The following PRKAR2A variants were observed in gnomAD, a reference collection of about 807,000 sequenced individuals.
The protein encoded by PRKAR2A is cAMP-dependent protein kinase type II-alpha regulatory subunit.
A neutral mutation model predicts 51.9 loss-of-function variants in PRKAR2A; 29 were observed. That is an observed-to-expected ratio of 0.56 (90% confidence interval 0.42 to 0.76). The LOEUF (loss-of-function observed/expected upper bound fraction) is 0.76, where lower values mean the gene tolerates loss of function less well. Ranked by LOEUF, PRKAR2A falls within the 30% of genes least tolerant of loss-of-function variation. PRKAR2A has a pLI of 0.00. For synonymous variants in PRKAR2A, 178 were observed against 186.2 expected (o/e 0.96, Z 0.36); for missense variants, 445 against 512.1 (o/e 0.87, Z 1.26).
At chr3:48,779,825 AAAT>A (rs1313702672) in intron 5 of PRKAR2A, among the ~76,000 whole-genome samples, 6 of 124,276 alleles carry the variant, frequency 4.8e-5, no homozygotes, top group Admixed American at 3.4e-4. Flanking sequence ...ATAAATAAAT[AAAT>A]AAAATATATA....
intron 1 of PRKAR2A, among the ~76,000 whole-genome samples, chr3:48,823,859 G>A (rs942000965): frequency 6.6e-6 from 1 of 151,394 alleles, no homozygotes; most frequent in Admixed American, 6.6e-5. Context: ...TAGGACCGTA[G>A]CAAAAGGAAA....
intron 6 of PRKAR2A, among the ~76,000 whole-genome samples, chr3:48,770,672 T>C (rs2082016746): frequency 6.6e-6 from 1 of 152,134 alleles, no homozygotes; most frequent in Non-Finnish European, 1.5e-5. Context: ...AGGAAATGAC[T>C]GCCAAAGGCA....
At chr3:48,839,858 T>C (rs2107463064) in intron 1 of PRKAR2A, among the ~76,000 whole-genome samples, 1 of 152,324 alleles carries the variant, frequency 6.6e-6, no homozygotes, top group Non-Finnish European at 1.5e-5. Flanking sequence ...TTCTTCCTTT[T>C]TAAATTGTGG....
At chr3:48,808,048 CTTTT>C (rs1181440560) in intron 1 of PRKAR2A, among the ~76,000 whole-genome samples, 1 of 122,694 alleles carries the variant, frequency 8.2e-6, no homozygotes, top group African/African-American at 3.0e-5. Context: ...TTCTTTCTTT[CTTTT>C]TTTTTTTTTT....
intron 2 of PRKAR2A, 50 bp downstream of exon 2, chr3:48,807,599 C>T (rs752976898): frequency 1.5e-6 from 2 of 1,366,360 alleles, no homozygotes; most frequent in Non-Finnish European, 2.1e-6. Flanking sequence ...TCAATATATT[C>T]CTATCTTAAA....
At position 48,747,041 on chromosome 3, in the gene PRKAR2A, CTTTTTTTTTTTTT is replaced by C. The variant is rs11358464; in HGVS notation, c.*4531_*4543del. On this transcript the variant is annotated 3_prime_UTR_variant, in exon 11 of 11. Coordinates refer to ENST00000265563, the MANE Select transcript of PRKAR2A (RefSeq NM_004157.4). ...CATGAGGTTAGTGACAGTTCTTGTC[CTTTTTTTTTTTTT>C]TTTTTTTTTTTTTAAAGTATAAAGA... is the stretch of plus-strand genomic sequence containing the variant. 3.4e-5 allele frequency: 3 copies of C among 88,370 alleles called. No individual in the cohort carries two copies. Among genetic ancestry groups the C allele is most frequent in the Non-Finnish European group, 6.4e-5 (3 of 47,004 alleles). 5.5% of individuals were successfully genotyped at this position (88,370 alleles called of 1,614,324 possible). A position where few individuals can be genotyped will look rare whatever the true frequency, so the allele number is the denominator to read the frequency against.
At chr3:48,808,613 G>C (rs889953648) in intron 1 of PRKAR2A, among the ~76,000 whole-genome samples, 1 of 85,566 alleles carries the variant, frequency 1.2e-5, no homozygotes, top group African/African-American at 4.8e-5. Flanking sequence ...ACTCCTGACA[G>C]GTGATCCGCC....
At chr3:48,822,159 C>G (rs2082977525) in intron 1 of PRKAR2A, among the ~76,000 whole-genome samples, 1 of 135,254 alleles carries the variant, frequency 7.4e-6, no homozygotes, top group Admixed American at 8.5e-5. Flanking sequence ...TGCAGTGAGC[C>G]AAGATTGCAC....
chr3:48,751,768 C>A (rs1195043756), intron 10 of PRKAR2A, 50 bp from the exon 11 acceptor site: 2 of 1,575,898 alleles, frequency 1.3e-6, no homozygotes, highest in Non-Finnish European at 1.7e-6. Flanking sequence ...AGCCATTTCC[C>A]TCATGCAAAC....
chr3:48,827,539 C>T lies in PRKAR2A; in HGVS notation c.262+19796G>A, dbSNP rs554155959. On this transcript the variant is annotated intron_variant, in intron 1 of 10. Transcript: ENST00000265563. ...ACATTACAGAGTGTACTTACACAAA[C>T]CTAGATGGTACAGCCTACAACACAC... Among the ~76,000 whole-genome samples, 4 of 152,182 alleles carry T rather than the reference C, an allele frequency of 2.6e-5. No individual in the cohort carries two copies. The South Asian group carries it at 6.2e-4, about 24-fold the overall frequency.
intron 9 of PRKAR2A, among the ~76,000 whole-genome samples, chr3:48,755,518 G>C (rs2081746595): frequency 4.0e-5 from 6 of 151,804 alleles, no homozygotes; most frequent in Admixed American, 3.9e-4. Context: ...TTATCCTAGA[G>C]ACCTCTTCTA....
intron 2 of PRKAR2A, among the ~76,000 whole-genome samples, chr3:48,801,099 C>T (rs952416819): frequency 6.6e-6 from 1 of 152,204 alleles, no homozygotes; most frequent in African/African-American, 2.4e-5. Flanking sequence ...CATGTCTCAG[C>T]CTCTCAAGTA....
intron 4 of PRKAR2A, among the ~76,000 whole-genome samples, chr3:48,784,920 G>A (rs907932861): frequency 5.3e-5 from 8 of 152,092 alleles, no homozygotes; most frequent in South Asian, 2.1e-4. Flanking sequence ...ATGATGTTAG[G>A]TGAAGACTTA....
At chr3:48,753,857 A>AAACTGT (rs372723556) in intron 9 of PRKAR2A, among the ~76,000 whole-genome samples, 101 of 152,210 alleles carry the variant, frequency 6.6e-4, no homozygotes, top group Middle Eastern at 3.4e-3. Flanking sequence ...ACTAGTCCAA[A>AAACTGT]AACTGTAAGT....
chr3:48,807,720 T>C (rs1197211921), intron 1 of PRKAR2A, 36 bp from the exon 2 acceptor site: 21 of 1,580,232 alleles, frequency 1.3e-5, no homozygotes, highest in Non-Finnish European at 1.7e-5. Flanking sequence ...GTCATTATTA[T>C]GTCACCAGGC....
chr3:48,798,149 C>T (rs983121931), intron 2 of PRKAR2A, among the ~76,000 whole-genome samples: 3 of 152,114 alleles, frequency 2.0e-5, no homozygotes, highest in South Asian at 2.1e-4. Context: ...GATGGAGTTT[C>T]GCCATATTGG....
At chr3:48,753,930 C>T (rs1246515743) in intron 9 of PRKAR2A, among the ~76,000 whole-genome samples, 2 of 139,152 alleles carry the variant, frequency 1.4e-5, no homozygotes, top group African/African-American at 5.4e-5. Flanking sequence ...CAGAGTCTCA[C>T]TCTGTTGCCC....
chr3:48,782,899 G>T, intron 5 of PRKAR2A, 87 bp downstream of exon 5: 2 of 980,404 alleles, frequency 2.0e-6, no homozygotes, highest in Non-Finnish European at 3.2e-6. Context: ...GCCTCTCTGG[G>T]CTGAATACAG....
chr3:48,766,919 C>T lies in PRKAR2A; in HGVS notation c.697-1570G>A, dbSNP rs557379759. On this transcript the variant is annotated intron_variant, in intron 6 of 10. Coordinates refer to ENST00000265563, the MANE Select transcript of PRKAR2A (RefSeq NM_004157.4). The stretch of plus-strand genomic sequence containing the variant: ...CTTTGAACTCCTGGGGTCAAGTGAT[C>T]TCCCCACCTCAGCCTCCCAAGTAGC... Among the ~76,000 whole-genome samples, 65 of 152,288 alleles carry T rather than the reference C, an allele frequency of 4.3e-4. 1 individual carries two copies. The highest frequency in any genetic ancestry group is 6.8e-3 in the Middle Eastern group (2 of 294).
Sources: gnomAD v4.1 joint callset for allele counts (sites outside exome capture counted in the v4.1 genomes callset) on GRCh38, gnomAD v4.1.1 for gene constraint, MANE v1.5 for transcripts, NCBI Gene and HGNC (gene_info 2026-07-23, HGNC 2026-07-21) for gene names.